The following SPECC1 variants were observed in gnomAD, a reference collection of about 807,000 sequenced individuals.
SPECC1 encodes the protein sperm antigen with calponin homology and coiled-coil domains 1, also known as cytospin-B.
SPECC1 carries 62 observed loss-of-function variants against 104.1 expected under a neutral mutation model. The ratio of observed to expected loss-of-function variants is 0.60; its 90% CI spans 0.49 to 0.74. The LOEUF (loss-of-function observed/expected upper bound fraction) is 0.74, where lower values mean the gene tolerates loss of function less well. Ranked by LOEUF, SPECC1 falls within the 30% of genes least tolerant of loss-of-function variation. The pLI is 0.00. For missense variants in SPECC1, 1,306 were observed against 1,310.5 expected (o/e 1.00, Z 0.05); for synonymous variants, 513 against 501.6 (o/e 1.02, Z -0.30).
chr17:20,192,429 C>T (rs1409458669), intron 3 of SPECC1, among the ~76,000 whole-genome samples: 1 of 151,990 alleles, frequency 6.6e-6, no homozygotes, highest in African/African-American at 2.4e-5. Context: ...TTGTTGATTC[C>T]TCTTATGATA....
chr17:20,039,700 G>A (rs1017095460), intron 1 of SPECC1, among the ~76,000 whole-genome samples: 13 of 151,952 alleles, frequency 8.6e-5, no homozygotes, highest in Non-Finnish European at 1.6e-4. Flanking sequence ...GACTACAGGC[G>A]TGTGCCACCA....
At chr17:20,190,931 A>G (rs2035627134) in intron 3 of SPECC1, among the ~76,000 whole-genome samples, 1 of 151,508 alleles carries the variant, frequency 6.6e-6, no homozygotes, top group South Asian at 2.1e-4. Flanking sequence ...AAGCAAAAGG[A>G]CCATAGTTTT....
intron 11 of SPECC1, 81 bp downstream of exon 11, chr17:20,257,688 G>T: frequency 6.5e-7 from 1 of 1,528,260 alleles, no homozygotes; most frequent in Non-Finnish European, 8.8e-7. Flanking sequence ...TGTCCCCGTG[G>T]CCAATTTACT....
intron 1 of SPECC1, among the ~76,000 whole-genome samples, chr17:20,011,571 C>T (rs2043944905): frequency 6.6e-6 from 1 of 151,706 alleles, no homozygotes; most frequent in African/African-American, 2.4e-5. Context: ...TTCAAAGAAC[C>T]AGCTTTTATT....
At chr17:20,229,245 T>A (rs7219615) in intron 5 of SPECC1, among the ~76,000 whole-genome samples, 64,933 of 151,966 alleles carry the variant, frequency 0.43, 14,487 homozygotes, top group East Asian at 0.8. Flanking sequence ...AGTGCAGTGC[T>A]GTCCACTGTC....
chr17:20,116,803 CTTTTTTT>C (rs58127201), intron 3 of SPECC1, among the ~76,000 whole-genome samples: 9 of 50,422 alleles, frequency 1.8e-4, no homozygotes, highest in African/African-American at 5.9e-4. Flanking sequence ...TGTCTGGAGA[CTTTTTTT>C]TTTTTTTTTT....
At chr17:20,120,853 A>G (rs1441242622) in intron 3 of SPECC1, among the ~76,000 whole-genome samples, 2 of 151,890 alleles carry the variant, frequency 1.3e-5, no homozygotes, top group East Asian at 3.9e-4. Context: ...CCTGAAATCT[A>G]CTCCAGGAGA....
intron 3 of SPECC1, among the ~76,000 whole-genome samples, chr17:20,125,669 C>G (rs890659326): frequency 6.6e-6 from 1 of 152,218 alleles, no homozygotes; most frequent in Non-Finnish European, 1.5e-5. Context: ...TAGTATCCTT[C>G]AGGTTCATCC....
intron 5 of SPECC1, 58 bp downstream of exon 5, chr17:20,227,678 G>C: frequency 1.3e-6 from 2 of 1,513,736 alleles, no homozygotes; most frequent in Non-Finnish European, 1.8e-6. Flanking sequence ...ACTTTGGGAG[G>C]CTGAGGCAGG....
At chr17:20,031,121 A>G (rs2044792243) in intron 1 of SPECC1, among the ~76,000 whole-genome samples, 1 of 152,038 alleles carries the variant, frequency 6.6e-6, no homozygotes, top group African/African-American at 2.4e-5. Context: ...CAGTCTCACC[A>G]GTAGCTGGGA....
At position 20,318,235 on chromosome 17, in the gene SPECC1, G is replaced by A. The variant is rs1017092902; in HGVS notation, c.*4170G>A. 4.3e-6 allele frequency: 1 copy of A among 232,218 alleles called. No homozygotes were observed. The highest frequency in any genetic ancestry group is 5.6e-5 in the Admixed American group (1 of 17,764). The allele number at this position is 232,218 out of a possible 1,614,324, so 14.4% of individuals were successfully genotyped here. A position where few individuals can be genotyped will look rare whatever the true frequency, so the allele number is the denominator to read the frequency against. On this transcript the variant is annotated 3_prime_UTR_variant, in exon 15 of 15. Coordinates refer to ENST00000395527, the MANE Select transcript of SPECC1 (RefSeq NM_001243439.2). ...GGAGAGTTTTTCAAGGTGAGAAGTC[G>A]CTGTTCTCTGCATTGAACATGGATT...
At chr17:20,108,575 C>A (rs2048340228) in intron 2 of SPECC1, among the ~76,000 whole-genome samples, 2 of 152,186 alleles carry the variant, frequency 1.3e-5, no homozygotes, top group Non-Finnish European at 2.9e-5. Flanking sequence ...CAAGTGGAAT[C>A]AGGCAGTATA....
At chr17:20,175,387 G>A (rs1467496107) in intron 3 of SPECC1, among the ~76,000 whole-genome samples, 2 of 152,206 alleles carry the variant, frequency 1.3e-5, no homozygotes, top group Non-Finnish European at 2.9e-5. Context: ...TTTACTGCAA[G>A]TTTTCTTCCA....
Position 20,246,012 on chromosome 17 carries a change from C to G in SPECC1, c.2438C>G (p.Pro813Arg). 6.2e-7 allele frequency: 1 copy of G among 1,614,046 alleles called. No homozygotes were observed. The highest frequency in any genetic ancestry group is 1.3e-5 in the African/African-American group (1 of 75,008). Residue 813 changes from proline to arginine, a missense_variant, in exon 8 of 15, where the codon CCC (proline) becomes CGC (arginine). This residue lies in a region of SPECC1 where 1,177 missense variants were observed against 1,139.9 expected (regional missense o/e 1.03). Coordinates refer to ENST00000395527, the MANE Select transcript of SPECC1 (RefSeq NM_001243439.2). The stretch of plus-strand genomic sequence containing the variant: ...TGTGTTAGCAGAACATCTCCAACAC[C>G]CCCAGAGTCGGCAACCACCGTTAAG... ...GVCVSRTSPTPPESATTVKSL... is the reference protein window; with the variant it reads ...GVCVSRTSPTRPESATTVKSL...
At chr17:20,111,765 G>A in intron 3 of SPECC1, 1 of 748,188 alleles carries the variant, frequency 1.3e-6, no homozygotes, top group Non-Finnish European at 2.5e-6. Flanking sequence ...GAAAAAGGTG[G>A]GAGGAGGATC....
chr17:20,064,229 T>C (rs940066955), intron 1 of SPECC1, among the ~76,000 whole-genome samples: 11 of 152,052 alleles, frequency 7.2e-5, no homozygotes, highest in Admixed American at 6.5e-4. Context: ...GAGGAGCAGC[T>C]GGGGGCCAGA....
At chr17:20,257,807 G>A (rs1217377274) in intron 11 of SPECC1, among the ~76,000 whole-genome samples, 200 bp downstream of exon 11, 3 of 152,224 alleles carry the variant, frequency 2.0e-5, no homozygotes, top group Non-Finnish European at 4.4e-5. Context: ...ATTAAGGGCT[G>A]TAAAAAACAA....
intron 13 of SPECC1, among the ~76,000 whole-genome samples, chr17:20,304,026 C>G (rs1270804612): frequency 6.8e-6 from 1 of 146,962 alleles, no homozygotes; most frequent in Non-Finnish European, 1.5e-5. Context: ...AATCCCAGCA[C>G]TTTGGGAGGC....
chr17:20,250,384 G>A (rs2039577263), intron 9 of SPECC1, among the ~76,000 whole-genome samples: 1 of 152,080 alleles, frequency 6.6e-6, no homozygotes, highest in South Asian at 2.1e-4. Context: ...GACAAGAAAA[G>A]CTAATGCAAA....
Sources: gnomAD v4.1 joint callset for allele counts (sites outside exome capture counted in the v4.1 genomes callset) on GRCh38, gnomAD v4.1.1 for gene constraint, gnomAD v4.1.1 regional missense constraint, MANE v1.5 for transcripts, NCBI Gene and HGNC (gene_info 2026-07-23, HGNC 2026-07-21) for gene names.